Variants in SEL1L observed in about 807,000 individuals in gnomAD.
SEL1L encodes SEL1L adaptor subunit of SYVN1 ubiquitin ligase, also known as protein sel-1 homolog 1.
SEL1L carries 52 observed loss-of-function variants against 109.8 expected under a neutral mutation model. The observed-to-expected ratio is 0.47, with a 90% CI of 0.38 to 0.60. SEL1L has a LOEUF of 0.60. Ranked by LOEUF, SEL1L falls within the 20% of genes least tolerant of loss-of-function variation. The probability of loss-of-function intolerance (pLI) is 0.00; values close to 1 mark genes in which losing one functional copy is unlikely to be tolerated. For missense variants in SEL1L, 749 were observed against 962.2 expected (o/e 0.78, Z 2.93); for synonymous variants, 373 against 339.6 (o/e 1.10, Z -1.08).
In SEL1L at chr14:81,485,699, G is replaced by A. The variant is rs185933768; in HGVS notation, c.1846C>T (p.Leu616=). The stretch of plus-strand genomic sequence containing the variant: ...TGAGAGGCGGCCCTGTTCCAATGTA[G>A]CAAAGCTCTGGGATAAGTTTCATTC... ...GENETYPRAL[L]HWNRAASQGY... is the part of the protein sequence containing the mutation. Residue 616 remains leucine, a synonymous_variant, in exon 18 of 21, where the codon CTA becomes TTA. Coordinates refer to ENST00000336735, the MANE Select transcript of SEL1L (RefSeq NM_005065.6). 5.5e-5 allele frequency: 88 copies of A among 1,614,012 alleles called. No homozygotes were observed. The Admixed American group carries it at 1.4e-3, about 27-fold the overall frequency.
At chr14:81,499,558 G>A (rs377382887) in intron 7 of SEL1L, 40 bp from the exon 8 acceptor site, 34 of 1,605,496 alleles carry the variant, frequency 2.1e-5, no homozygotes, top group South Asian at 1.2e-4. Context: ...ACATAGGCAC[G>A]CATTTATTCA....
At chr14:81,513,477 C>A (rs866361375) in intron 3 of SEL1L, among the ~76,000 whole-genome samples, 9 of 152,228 alleles carry the variant, frequency 5.9e-5, no homozygotes, top group Non-Finnish European at 1.0e-4. Context: ...ACCTTAAGAA[C>A]TGTAACACTC....
At chr14:81,480,356 A>T (rs1411891136) in intron 19 of SEL1L, among the ~76,000 whole-genome samples, 1 of 151,964 alleles carries the variant, frequency 6.6e-6, no homozygotes, top group Non-Finnish European at 1.5e-5. Flanking sequence ...CGCCCGGCTA[A>T]TTTTTTGTAT....
At chr14:81,494,082 A>C (rs1330897595) in intron 11 of SEL1L, among the ~76,000 whole-genome samples, 1 of 152,128 alleles carries the variant, frequency 6.6e-6, no homozygotes, top group African/African-American at 2.4e-5. Flanking sequence ...TTTCAGCTTC[A>C]ATCCAGTCTA....
intron 10 of SEL1L, 112 bp from the exon 11 acceptor site, chr14:81,495,249 A>G: frequency 1.1e-6 from 1 of 900,796 alleles, no homozygotes; most frequent in South Asian, 1.5e-5. Flanking sequence ...CATGACTCAA[A>G]AAACAAAAAG....
In SEL1L at chr14:81,473,219, C is replaced by T. The variant is rs1903058371; in HGVS notation, c.*3753G>A. 1 of 152,124 alleles carries T rather than the reference C, an allele frequency of 6.6e-6. No individual in the cohort carries two copies. The highest frequency in any genetic ancestry group is 1.5e-5 in the Non-Finnish European group (1 of 68,028). 9.4% of individuals were successfully genotyped at this position (152,124 alleles called of 1,614,324 possible). On this transcript the variant is annotated 3_prime_UTR_variant, in exon 21 of 21. Transcript: ENST00000336735. ...TTCTAATCAAAGAGAATAGTGTCAG[C>T]CTGTTTCTCAAACCAAATAGGAAAA... is the stretch of plus-strand genomic sequence containing the variant.
chr14:81,500,775 G>T (rs1463090128), intron 6 of SEL1L, among the ~76,000 whole-genome samples: 2 of 152,114 alleles, frequency 1.3e-5, no homozygotes, highest in East Asian at 3.9e-4. Context: ...GGAGGAGCAA[G>T]GGGTCAAGCT....
chr14:81,510,510 CTCTCTATATA>C (rs1292671621), intron 3 of SEL1L, among the ~76,000 whole-genome samples: 66 of 108,400 alleles, frequency 6.1e-4, no homozygotes, highest in African/African-American at 7.2e-4. Context: ...CTCTCTCTCT[CTCTCTATATA>C]TATATATATA....
intron 3 of SEL1L, among the ~76,000 whole-genome samples, chr14:81,519,753 A>G (rs1884837673): frequency 6.6e-6 from 1 of 152,214 alleles, no homozygotes; most frequent in Non-Finnish European, 1.5e-5. Flanking sequence ...GAGAAAACCT[A>G]CATTTATTTT....
At chr14:81,479,793 T>C in intron 19 of SEL1L, 53 bp from the exon 20 acceptor site, 1 of 1,507,016 alleles carries the variant, frequency 6.6e-7, no homozygotes, top group South Asian at 1.2e-5. Context: ...TAAGTAAAAA[T>C]ATTTAGTGAA....
At chr14:81,510,001 G>A (rs1884397187) in intron 3 of SEL1L, among the ~76,000 whole-genome samples, 1 of 152,218 alleles carries the variant, frequency 6.6e-6, no homozygotes, top group African/African-American at 2.4e-5. Flanking sequence ...AACACGGAAG[G>A]AATTAAAGGT....
intron 11 of SEL1L, among the ~76,000 whole-genome samples, chr14:81,494,320 G>A (rs943550379): frequency 4.4e-4 from 67 of 152,004 alleles, no homozygotes; most frequent in African/African-American, 1.6e-3. Flanking sequence ...TTCCTTTACC[G>A]TAGTTCTAGT....
chr14:81,494,188 T>C (rs1883650035), intron 11 of SEL1L, among the ~76,000 whole-genome samples: 2 of 152,214 alleles, frequency 1.3e-5, no homozygotes, highest in African/African-American at 2.4e-5. Context: ...CAACTCAATT[T>C]AAGCAAATGG....
chr14:81,498,985 AG>A, intron 8 of SEL1L: 1 of 447,566 alleles, frequency 2.2e-6, no homozygotes, highest in Non-Finnish European at 3.0e-6. Context: ...AAAAACAGAA[AG>A]TAGAGCTCTC....
At chr14:81,529,487 G>A (rs1221408537) in intron 1 of SEL1L, among the ~76,000 whole-genome samples, 4 of 152,100 alleles carry the variant, frequency 2.6e-5, no homozygotes, top group African/African-American at 9.7e-5. Context: ...GGTTACATAG[G>A]TAGCTAACAG....
In SEL1L at chr14:81,484,233, T is replaced by C; in HGVS notation, c.2038A>G (p.Ile680Val). 1.2e-6 allele frequency: 2 copies of C among 1,608,212 alleles called. No individual in the cohort carries two copies. The highest frequency in any genetic ancestry group is 1.7e-6 in the Non-Finnish European group (2 of 1,175,350). ...LGYMHEKGLG[I>V]KQDIHLAKRF... is the part of the protein sequence containing the mutation. ...TTGGAAGCCACACTCACCTGTTTAA[T>C]GCCCAGTCCTTTCTCATGCATATAT... The change falls in exon 19 of 21, where the codon ATT (isoleucine) becomes GTT (valine). Residue 680 changes from isoleucine (I) to valine (V), a missense_variant. Physicochemically the swap from Ile to Val is conservative, Grantham distance 29. Coordinates refer to ENST00000336735, the MANE Select transcript of SEL1L (RefSeq NM_005065.6).
chr14:81,529,023 C>T (rs1885224938), intron 1 of SEL1L, among the ~76,000 whole-genome samples: 1 of 152,100 alleles, frequency 6.6e-6, no homozygotes, highest in South Asian at 2.1e-4. Context: ...GCTGTCAAGT[C>T]AAAGAAAATT....
intron 20 of SEL1L, among the ~76,000 whole-genome samples, chr14:81,478,198 G>A (rs1488328450): frequency 2.6e-5 from 4 of 151,968 alleles, no homozygotes; most frequent in East Asian, 1.9e-4. Flanking sequence ...TCTATAACAC[G>A]TTTGTAGGTA....
intron 3 of SEL1L, among the ~76,000 whole-genome samples, chr14:81,516,877 T>C (rs1023304518): frequency 3.3e-5 from 5 of 151,994 alleles, no homozygotes; most frequent in African/African-American, 1.2e-4. Flanking sequence ...CCTCCAGACT[T>C]CCCCCCCATG....
Sources: allele counts gnomAD v4.1 joint callset (sites outside exome capture counted in the v4.1 genomes callset), GRCh38; gene constraint gnomAD v4.1.1; transcripts MANE v1.5; gene names NCBI Gene and HGNC (gene_info 2026-07-23, HGNC 2026-07-21).